The following SDHAF2 variants were observed in gnomAD, a reference collection of about 807,000 sequenced individuals.
The protein encoded by SDHAF2 is succinate dehydrogenase assembly factor 2, mitochondrial.
Under a neutral mutation model 18.5 loss-of-function variants are expected in SDHAF2, and 21 were observed. The ratio of observed to expected loss-of-function variants is 1.13; its 90% CI spans 0.80 to 1.63. SDHAF2 has a LOEUF of 1.63. Among genes scored for constraint, SDHAF2 ranks in the 40% most tolerant of loss-of-function variants. The probability of loss-of-function intolerance (pLI) is 0.00; values close to 1 mark genes in which losing one functional copy is unlikely to be tolerated. For missense variants in SDHAF2, 195 were observed against 200.3 expected (o/e 0.97, Z 0.16); for synonymous variants, 84 against 70.7 (o/e 1.19, Z -0.94).
intron 1 of SDHAF2, chr11:61,430,738 GTCAC>G (rs1861872285): frequency 6.5e-6 from 1 of 153,644 alleles, no homozygotes; most frequent in African/African-American, 2.4e-5. Context: ...ATTAGCTGTA[GTCAC>G]TCTAATATGT....
At chr11:61,440,436 C>G (rs1862049858) in intron 3 of SDHAF2, among the ~76,000 whole-genome samples, 2 of 152,062 alleles carry the variant, frequency 1.3e-5, no homozygotes, top group South Asian at 4.1e-4. Context: ...CCCGTTTCTA[C>G]TAAAACGACA....
Position 61,438,092 on chromosome 11 carries a change from G to C in SDHAF2, c.349G>C (p.Asp117His). Residue 117 changes from aspartate (D) to histidine (H), a missense_variant, in exon 3 of 4, where the codon GAT becomes CAT. Physicochemically the swap from Asp to His is moderately conservative, Grantham distance 81. Transcript: ENST00000301761. ...GATTAACGAGCCTAGTAATGACTGGGATATTTACTACTGGGCCACAGGTAC... is the reference window on the plus strand; with the variant it reads ...GATTAACGAGCCTAGTAATGACTGGCATATTTACTACTGGGCCACAGGTAC... ...RLINEPSNDW[D>H]IYYWATEAKP... 6.2e-7 allele frequency: 1 copy of C among 1,613,262 alleles called. No homozygotes were observed. Among genetic ancestry groups the C allele is most frequent in the East Asian group, 2.2e-5 (1 of 44,876 alleles).
chr11:61,437,023 T>A (rs1292290211), intron 1 of SDHAF2: 1 of 1,169,102 alleles, frequency 8.6e-7, no homozygotes, highest in Non-Finnish European at 1.1e-6. Context: ...GAAGGAAAAA[T>A]TATTTCTGCT....
chr11:61,441,284 GCAC>G (rs1307554813), intron 3 of SDHAF2, among the ~76,000 whole-genome samples: 8 of 152,274 alleles, frequency 5.3e-5, no homozygotes, highest in African/African-American at 1.7e-4. Flanking sequence ...TGTAATCCCA[GCAC>G]TTTGGTAGGC....
rs148502867 is a variant in SDHAF2, at chr11:61,439,826, G to A, written c.370+1713G>A. ...TATTCCATTGTGTGGATGTACCATG[G>A]TCTGTTCATCTTTTGACCAGCTGAG... On this transcript the variant is annotated intron_variant, in intron 3 of 3. Transcript: ENST00000301761. Among the ~76,000 whole-genome samples the A allele has an allele frequency of 2.6e-5, 4 of 152,144 alleles. No individual in the cohort carries two copies. In the East Asian group the frequency reaches 7.7e-4, roughly 29 times the overall value.
chr11:61,446,151 T>G lies in SDHAF2; in HGVS notation c.*80T>G, dbSNP rs926370334. Reference sequence around the variant, plus strand: ...GATGGACGTTAGCCTTGCTTCCGGCTTCTTAGATGCCCAGCTGCCCTACCC... The same window carrying G: ...GATGGACGTTAGCCTTGCTTCCGGCGTCTTAGATGCCCAGCTGCCCTACCC... On this transcript the variant is annotated 3_prime_UTR_variant, in exon 4 of 4. Coordinates refer to ENST00000301761, the MANE Select transcript of SDHAF2 (RefSeq NM_017841.4). The G allele has an allele frequency of 3.9e-6, 6 of 1,549,802 alleles. No individual in the cohort carries two copies. The highest frequency in any genetic ancestry group is 3.3e-5 in the South Asian group (3 of 89,958).
At chr11:61,443,898 C>T (rs553547896) in intron 3 of SDHAF2, among the ~76,000 whole-genome samples, 28 of 152,294 alleles carry the variant, frequency 1.8e-4, no homozygotes, top group African/African-American at 6.3e-4. Flanking sequence ...CTCAGCATCC[C>T]GAGTAGCTGG....
At chr11:61,431,863 T>C (rs1443439180) in intron 1 of SDHAF2, 1 of 152,432 alleles carries the variant, frequency 6.6e-6, no homozygotes, top group Non-Finnish European at 1.5e-5. Context: ...GCTAATTTTT[T>C]GTATTTTTAG....
In SDHAF2 at chr11:61,430,198, G is replaced by T. The variant is rs1861841293; in HGVS notation, c.36+16G>T. On this transcript the variant is annotated intron_variant, in intron 1 of 3. Transcript: ENST00000301761. Reference sequence around the variant, plus strand: ...TTCGTCGCTGGTGAGGAGAGAGAACGTTCTAGCGTCCGGGGCGGGCGGCAG... The same window carrying T: ...TTCGTCGCTGGTGAGGAGAGAGAACTTTCTAGCGTCCGGGGCGGGCGGCAG... 3.1e-6 allele frequency: 5 copies of T among 1,614,174 alleles called. No individual in the cohort carries two copies. Among genetic ancestry groups the T allele is most frequent in the Middle Eastern group, 1.7e-4 (1 of 6,060 alleles).
intron 1 of SDHAF2, chr11:61,434,186 T>C (rs895305507): frequency 6.2e-5 from 9 of 144,602 alleles, no homozygotes; most frequent in Non-Finnish European, 1.2e-4. Flanking sequence ...TTAGCCATTA[T>C]GTCTTTTTTT....
intron 3 of SDHAF2, among the ~76,000 whole-genome samples, chr11:61,439,221 A>T (rs1203500706): frequency 6.6e-6 from 1 of 152,188 alleles, no homozygotes; most frequent in Non-Finnish European, 1.5e-5. Context: ...CAGAGCTCAT[A>T]GAGGGGCTTC....
intron 3 of SDHAF2, among the ~76,000 whole-genome samples, chr11:61,445,428 C>G (rs1240839312): frequency 6.6e-6 from 1 of 152,170 alleles, no homozygotes; most frequent in Non-Finnish European, 1.5e-5. Context: ...CTTAAGTTTA[C>G]TAGAGTTATT....
chr11:61,442,612 C>T (rs1360812771), intron 3 of SDHAF2, among the ~76,000 whole-genome samples: 1 of 151,896 alleles, frequency 6.6e-6, no homozygotes, highest in Non-Finnish European at 1.5e-5. Context: ...TCTGTGTTTT[C>T]ATATCTTTTA....
intron 3 of SDHAF2, among the ~76,000 whole-genome samples, chr11:61,439,265 T>C (rs912021264): frequency 6.6e-6 from 1 of 152,174 alleles, no homozygotes; most frequent in Non-Finnish European, 1.5e-5. Flanking sequence ...CCCTACTTGC[T>C]GCTCTTTCAT....
In SDHAF2 at chr11:61,445,404, T is replaced by C. The variant is rs117917855; in HGVS notation, c.371-537T>C. Among the ~76,000 whole-genome samples, 30 of 152,350 alleles carry C rather than the reference T, an allele frequency of 2.0e-4. No homozygotes were observed. The East Asian group carries it at 5.8e-3, about 29-fold the overall frequency. ...CTGTGTGCCTCCAATATCCTTCCAA[T>C]AAATTCCTTTTTGCTTAAGTTTACT... On this transcript the variant is annotated intron_variant, in intron 3 of 3. Coordinates refer to ENST00000301761, the MANE Select transcript of SDHAF2 (RefSeq NM_017841.4).
chr11:61,438,553 A>G (rs1170126119), intron 3 of SDHAF2, among the ~76,000 whole-genome samples: 1 of 152,158 alleles, frequency 6.6e-6, no homozygotes, highest in African/African-American at 2.4e-5. Context: ...CACTGTTCAA[A>G]TTTTTGTTAA....
At position 61,438,023 on chromosome 11, in the gene SDHAF2, C is replaced by G; in HGVS notation, c.280C>G (p.Leu94Val). 6.2e-7 allele frequency: 1 copy of G among 1,613,976 alleles called. No homozygotes were observed. Among genetic ancestry groups the G allele is most frequent in the African/African-American group, 1.3e-5 (1 of 74,978 alleles). ...TTTTAGTCTTTTTGCTAAAGAACAT[C>G]TGCAGCACATGACAGAAAAGCAGCT... ...ILLSLFAKEH[L>V]QHMTEKQLNL... Residue 94 changes from leucine to valine, a missense_variant, in exon 3 of 4, where the codon CTG becomes GTG. Physicochemically the swap from Leu to Val is conservative, Grantham distance 32. Transcript: ENST00000301761.
chr11:61,440,174 G>A (rs1479906412), intron 3 of SDHAF2, among the ~76,000 whole-genome samples: 2 of 152,056 alleles, frequency 1.3e-5, no homozygotes, highest in East Asian at 1.9e-4. Context: ...AGTTAGCCGC[G>A]TGTGGTGGTG....
intron 2 of SDHAF2, 22 bp from the exon 3 acceptor site, chr11:61,437,981 CT>C (rs773213740): frequency 6.8e-6 from 11 of 1,608,728 alleles, no homozygotes; most frequent in African/African-American, 5.3e-5. Flanking sequence ...ACCTCTTTTT[CT>C]TTTTTTCTTT....
Sources: gnomAD v4.1 joint callset for allele counts (sites outside exome capture counted in the v4.1 genomes callset) on GRCh38, gnomAD v4.1.1 for gene constraint, MANE v1.5 for transcripts, NCBI Gene and HGNC (gene_info 2026-07-23, HGNC 2026-07-21) for gene names.